Variants in IQCM observed in about 807,000 individuals in gnomAD.
IQCM encodes IQ domain-containing protein M.
A neutral mutation model predicts 57.6 loss-of-function variants in IQCM; 45 were observed. The ratio of observed to expected loss-of-function variants is 0.78; its 90% CI spans 0.62 to 1.00. The LOEUF is 1.00. Ranked by LOEUF, IQCM falls within the 50% of genes least tolerant of loss-of-function variation. The pLI is 0.00. For synonymous variants in IQCM, 148 were observed against 158.9 expected (o/e 0.93, Z 0.51); for missense variants, 468 against 511.6 (o/e 0.91, Z 0.82).
rs1735060232 is a variant in IQCM at position 149,433,488 on chromosome 4, G to T, written c.1298C>A (p.Pro433His). 8.3e-7 allele frequency: 1 copy of T among 1,211,876 alleles called. No individual in the cohort carries two copies. The highest frequency in any genetic ancestry group is 1.0e-6 in the Non-Finnish European group (1 of 969,984). The allele number at this position is 1,211,876 out of a possible 1,614,324, so 75.1% of individuals were successfully genotyped here. The change falls in exon 13 of 14, where the codon CCT becomes CAT. Residue 433 changes from proline (P) to histidine (H), a missense_variant. Coordinates refer to ENST00000636793, the MANE Select transcript of IQCM (RefSeq NM_001363507.2). ...GTCAGGCACATGTGCACCTTCAGGAGGATAGAGTGTAAATAACATTTCAAT... is the reference window on the plus strand; with the variant it reads ...GTCAGGCACATGTGCACCTTCAGGATGATAGAGTGTAAATAACATTTCAAT... Reference protein sequence around the residue: ...KAIEMLFTLYPPEGAHVPDST... With the variant: ...KAIEMLFTLYHPEGAHVPDST...
chr4:149,523,371 A>G (rs1745851418), intron 12 of IQCM, among the ~76,000 whole-genome samples: 1 of 152,202 alleles, frequency 6.6e-6, no homozygotes, highest in South Asian at 2.1e-4. Flanking sequence ...ACAACATAGG[A>G]AGTTAAAAGA....
At chr4:149,635,375 A>T (rs1297356937) in intron 7 of IQCM, among the ~76,000 whole-genome samples, 1 of 152,196 alleles carries the variant, frequency 6.6e-6, no homozygotes, top group African/African-American at 2.4e-5. Flanking sequence ...TGTAAGTGTC[A>T]CTAGGTCAAC....
chr4:149,449,809 T>A (rs1736909154), intron 12 of IQCM, among the ~76,000 whole-genome samples: 1 of 151,640 alleles, frequency 6.6e-6, no homozygotes, highest in Non-Finnish European at 1.5e-5. Context: ...TTCAATGCAA[T>A]CCCTATCAAA....
At chr4:149,585,273 T>C (rs72957418) in intron 9 of IQCM, among the ~76,000 whole-genome samples, 3,053 of 151,732 alleles carry the variant, frequency 0.02, 72 homozygotes, top group African/African-American at 0.061. Flanking sequence ...CTCTGCCTCA[T>C]GCAGGCTGTA....
At chr4:149,577,303 C>A (rs1450883718) in intron 9 of IQCM, among the ~76,000 whole-genome samples, 2 of 151,890 alleles carry the variant, frequency 1.3e-5, no homozygotes, top group Non-Finnish European at 2.9e-5. Context: ...GAAATCTTTG[C>A]CAGGGCTGAT....
At position 149,643,651 on chromosome 4, in the gene IQCM, A is replaced by G. The variant is rs369589955; in HGVS notation, c.566-22407T>C. 1.2e-4 allele frequency among the ~76,000 whole-genome samples: 18 copies of G among 152,322 alleles called. No individual in the cohort carries two copies. In the East Asian group the frequency reaches 1.5e-3, roughly 13 times the overall value. On this transcript the variant is annotated intron_variant, in intron 7 of 13. Coordinates refer to ENST00000636793, the MANE Select transcript of IQCM (RefSeq NM_001363507.2). ...AGTACCGAGCACTGTTTATCCAAAC[A>G]GGAGGGTGTAAGTGAGAAAACCCAG...
intron 2 of IQCM, among the ~76,000 whole-genome samples, chr4:149,777,330 A>C (rs1428978050): frequency 6.6e-6 from 1 of 152,222 alleles, no homozygotes; most frequent in Non-Finnish European, 1.5e-5. Context: ...AAGGGAAAAA[A>C]TGTCCATGAT....
intron 12 of IQCM, among the ~76,000 whole-genome samples, chr4:149,546,615 CTTCTT>C (rs1423468483): frequency 6.6e-6 from 1 of 152,122 alleles, no homozygotes; most frequent in Non-Finnish European, 1.5e-5. Flanking sequence ...GCAGAAATGT[CTTCTT>C]TTGAGAAGTG....
Position 149,354,376 on chromosome 4 carries a change from A to AAAAAAAAAAC in IQCM, c.1391-2311_1391-2310insGTTTTTTTTT, listed in dbSNP as rs1728799852. ...GAGACTCCGTCTCAAAAAAAAAAAA[A>AAAAAAAAAAC]AAAAAAAAAAAAACTGACAAATTAG... On this transcript the variant is annotated intron_variant, in intron 13 of 13. Coordinates refer to ENST00000636793, the MANE Select transcript of IQCM (RefSeq NM_001363507.2). Among the ~76,000 whole-genome samples, 6 of 117,252 alleles carry AAAAAAAAAAC rather than the reference A, an allele frequency of 5.1e-5. 1 individual carries two copies. The highest frequency in any genetic ancestry group is 1.4e-4 in the African/African-American group (5 of 35,942). The allele number at this position is 117,252 out of a possible 152,430, so 76.9% of individuals were successfully genotyped here. A position where few individuals can be genotyped will look rare whatever the true frequency, so the allele number is the denominator to read the frequency against.
intron 7 of IQCM, among the ~76,000 whole-genome samples, chr4:149,628,892 C>A (rs1579765724): frequency 6.6e-6 from 1 of 152,098 alleles, no homozygotes; most frequent in Non-Finnish European, 1.5e-5. Flanking sequence ...AAATAATAGA[C>A]CACCAACAGA....
At chr4:149,392,565 C>A (rs1234776978) in intron 13 of IQCM, among the ~76,000 whole-genome samples, 2 of 151,844 alleles carry the variant, frequency 1.3e-5, no homozygotes, top group Non-Finnish European at 2.9e-5. Context: ...TATACATAAC[C>A]TAAGTTTTTC....
rs539993326 is a variant in IQCM, at chr4:149,731,884, C to G, written c.385+1360G>C. Among the ~76,000 whole-genome samples the G allele has an allele frequency of 3.3e-5, 5 of 152,098 alleles. No individual in the cohort carries two copies. The South Asian group carries it at 1.0e-3, about 32-fold the overall frequency. On this transcript the variant is annotated intron_variant, in intron 5 of 13. Coordinates refer to ENST00000636793, the MANE Select transcript of IQCM (RefSeq NM_001363507.2). ...TGTATTTTATTTAAATGTTTCTAACCAAAGAACCCTTTGTCAGGTCACTGA... is the reference window on the plus strand; with the variant it reads ...TGTATTTTATTTAAATGTTTCTAACGAAAGAACCCTTTGTCAGGTCACTGA...
intron 7 of IQCM, among the ~76,000 whole-genome samples, chr4:149,669,605 T>C (rs932911788): frequency 5.3e-5 from 8 of 152,166 alleles, no homozygotes; most frequent in Non-Finnish European, 1.5e-5. Context: ...TTTTTATGGG[T>C]TTAGGTCTAA....
chr4:149,680,390 C>A (rs1449513350), intron 7 of IQCM, among the ~76,000 whole-genome samples: 1 of 150,758 alleles, frequency 6.6e-6, no homozygotes, highest in Non-Finnish European at 1.5e-5. Context: ...TCTCTGCAGT[C>A]TATGTATAAT....
intron 3 of IQCM, among the ~76,000 whole-genome samples, chr4:149,738,554 G>T (rs1767155934): frequency 6.6e-6 from 1 of 152,114 alleles, no homozygotes; most frequent in Non-Finnish European, 1.5e-5. Flanking sequence ...CCTTGCTGGG[G>T]CCAGAAAGCA....
chr4:149,471,644 C>G (rs971066784), intron 12 of IQCM, among the ~76,000 whole-genome samples: 2 of 152,050 alleles, frequency 1.3e-5, no homozygotes, highest in African/African-American at 4.8e-5. Flanking sequence ...ATCCTGATAC[C>G]AAAGCCTGGC....
intron 12 of IQCM, among the ~76,000 whole-genome samples, chr4:149,498,697 T>C (rs1742926215): frequency 6.6e-6 from 1 of 152,102 alleles, no homozygotes; most frequent in Admixed American, 6.6e-5. Flanking sequence ...AAAAAATATC[T>C]ACATTCCTCT....
At position 149,564,787 on chromosome 4, in the gene IQCM, C is replaced by T. The variant is rs573089856; in HGVS notation, c.750-897G>A. Among the ~76,000 whole-genome samples the T allele has an allele frequency of 1.4e-4, 20 of 148,116 alleles. No homozygotes were observed. In the South Asian group the frequency reaches 1.4e-3, roughly 10 times the overall value. Reference sequence around the variant, plus strand: ...GCCTATCGTGGGACCTCCTTATGGTCATGTGAGTTAATACTTAATAAATTC... The same window carrying T: ...GCCTATCGTGGGACCTCCTTATGGTTATGTGAGTTAATACTTAATAAATTC... On this transcript the variant is annotated intron_variant, in intron 9 of 13. Coordinates refer to ENST00000636793, the MANE Select transcript of IQCM (RefSeq NM_001363507.2).
chr4:149,625,523 A>T (rs1756716237), intron 7 of IQCM, among the ~76,000 whole-genome samples: 1 of 152,176 alleles, frequency 6.6e-6, no homozygotes, highest in South Asian at 2.1e-4. Context: ...GGAGAACTGC[A>T]TTTTTTATGT....
Sources: gnomAD v4.1 joint callset for allele counts (sites outside exome capture counted in the v4.1 genomes callset) on GRCh38, gnomAD v4.1.1 for gene constraint, MANE v1.5 for transcripts, NCBI Gene and HGNC (gene_info 2026-07-23, HGNC 2026-07-21) for gene names.